The following ITGA10 variants were observed in gnomAD, a reference collection of about 807,000 sequenced individuals.
ITGA10 encodes the protein integrin subunit alpha 10.
A neutral mutation model predicts 145.2 loss-of-function variants in ITGA10; 105 were observed. The observed-to-expected ratio is 0.72, with a 90% CI of 0.62 to 0.85. The LOEUF is 0.85. ITGA10 is among the 40% of genes least tolerant of loss of function. ITGA10 has a pLI of 0.00. For missense variants in ITGA10, 1,317 were observed against 1,444.5 expected (o/e 0.91, Z 1.43); for synonymous variants, 506 against 557.8 (o/e 0.91, Z 1.31).
Position 145,902,517 on chromosome 1 carries a change from T to G in ITGA10, c.1012A>C (p.Thr338Pro). 6.2e-7 allele frequency: 1 copy of G among 1,613,864 alleles called. No homozygotes were observed. Among genetic ancestry groups the G allele is most frequent in the Non-Finnish European group, 8.5e-7 (1 of 1,179,930 alleles). ...ATGTCAGTCAGAGCAGCCTCATCTGTGACATTGAAGAAGAATCGCTCATCT... is the reference window on the plus strand; with the variant it reads ...ATGTCAGTCAGAGCAGCCTCATCTGGGACATTGAAGAAGAATCGCTCATCT... ...DPDERFFFNV[T>P]DEAALTDIVD... The change falls in exon 9 of 30, where the codon ACA becomes CCA. Residue 338 changes from threonine to proline, a missense_variant. By Grantham distance (38) the Thr-to-Pro change is conservative (BLOSUM62 -1). Coordinates refer to ENST00000369304, the MANE Select transcript of ITGA10 (RefSeq NM_003637.5).
chr1:145,896,244 G>T, intron 24 of ITGA10, 24 bp downstream of exon 24: 2 of 1,588,316 alleles, frequency 1.3e-6, no homozygotes, highest in Non-Finnish European at 1.7e-6. Flanking sequence ...TTCTCCTCAT[G>T]CCAAGACCCC....
intron 5 of ITGA10, among the ~76,000 whole-genome samples, chr1:145,905,213 T>C (rs1048728559): frequency 2.0e-5 from 3 of 151,894 alleles, no homozygotes; most frequent in Non-Finnish European, 4.4e-5. Flanking sequence ...GAATGAAACA[T>C]GGTAGCAACT....
chr1:145,892,990 T>G, intron 29 of ITGA10, 127 bp from the exon 30 acceptor site: 2 of 961,090 alleles, frequency 2.1e-6, no homozygotes, highest in Non-Finnish European at 3.3e-6. Flanking sequence ...TTTATTTTAT[T>G]TGGCTTAGAA....
At position 145,899,283 on chromosome 1, in the gene ITGA10, C is replaced by T. The variant is rs201590831; in HGVS notation, c.1981G>A (p.Val661Met). Residue 661 changes from valine to methionine, a missense_variant, in exon 16 of 30, where the codon GTG (valine) becomes ATG (methionine). Val to Met is a conservative substitution (Grantham distance 21). Transcript: ENST00000369304. Reference sequence around the variant, plus strand: ...CGCCGCCTACAGTCCCTCTGAACCACACTGATGGCCTGTGGGGTCACCTCC... The same window carrying T: ...CGCCGCCTACAGTCCCTCTGAACCATACTGATGGCCTGTGGGGTCACCTCC... ...SLEVTPQAIS[V>M]VQRDCRRRGQ... 6.2e-7 allele frequency: 1 copy of T among 1,614,228 alleles called. No individual in the cohort carries two copies. The highest frequency in any genetic ancestry group is 2.2e-5 in the East Asian group (1 of 44,882).
chr1:145,904,213 C>A lies in ITGA10; in HGVS notation c.610-13G>T, dbSNP rs188008364. 1 of 1,613,700 alleles carries A rather than the reference C, an allele frequency of 6.2e-7. No individual in the cohort carries two copies. The highest frequency in any genetic ancestry group is 8.5e-7 in the Non-Finnish European group (1 of 1,179,690). ...GTACCAGTCCCACCTGGGAATAAAG[C>A]GCATTCAAATGAAATGTATGTATGT... On this transcript the variant is annotated splice_polypyrimidine_tract_variant and intron_variant, in intron 6 of 29. Transcript: ENST00000369304.
chr1:145,904,356 C>T (rs1656811289), intron 6 of ITGA10, among the ~76,000 whole-genome samples, 156 bp from the exon 7 acceptor site: 1 of 152,024 alleles, frequency 6.6e-6, no homozygotes, highest in African/African-American at 2.4e-5. Flanking sequence ...CCCTTCCAAG[C>T]CCATCCATAT....
intron 25 of ITGA10, 35 bp from the exon 26 acceptor site, chr1:145,895,746 T>C (rs782542092): frequency 1.3e-6 from 2 of 1,599,944 alleles, no homozygotes; most frequent in Admixed American, 1.7e-5. Flanking sequence ...ACCCTCCTGA[T>C]GGGGTGGCGC....
At chr1:145,902,710 T>C in intron 8 of ITGA10, 91 bp from the exon 9 acceptor site, 1 of 1,539,546 alleles carries the variant, frequency 6.5e-7, no homozygotes, top group South Asian at 1.3e-5. Flanking sequence ...GGGAAGTAGT[T>C]AATGCCCTTG....
Position 145,907,410 on chromosome 1 carries a change from T to G in ITGA10, c.108A>C (p.Pro36=), listed in dbSNP as rs1419678521. The G allele has an allele frequency of 6.2e-7, 1 of 1,614,022 alleles. No homozygotes were observed. Among genetic ancestry groups the G allele is most frequent in the African/African-American group, 1.3e-5 (1 of 74,898 alleles). The change falls in exon 2 of 30, where the codon CCA becomes CCC. Residue 36 remains proline (P), a synonymous_variant. Transcript: ENST00000369304. ...DEHHPRLFPG[P]PEAEFGYSVL... ...CACTGTATCCAAATTCAGCTTCTGG[T>G]GGCCCTGGGAATAGGCGTGGGTGAT...
intron 6 of ITGA10, among the ~76,000 whole-genome samples, 168 bp downstream of exon 6, chr1:145,904,516 A>G (rs1656839900): frequency 6.6e-6 from 1 of 151,078 alleles, no homozygotes; most frequent in Non-Finnish European, 1.5e-5. Flanking sequence ...CTGTAGGCGC[A>G]TGCCACCATG....
chr1:145,895,609 G>A (rs1655273953), intron 26 of ITGA10, 22 bp downstream of exon 26: 2 of 1,611,128 alleles, frequency 1.2e-6, no homozygotes, highest in South Asian at 2.2e-5. Context: ...TCCCACTCTG[G>A]ACACCCCTTT....
At chr1:145,896,922 A>C (rs1260181507) in intron 22 of ITGA10, 64 bp from the exon 23 acceptor site, 4 of 1,537,326 alleles carry the variant, frequency 2.6e-6, no homozygotes, top group Non-Finnish European at 3.6e-6. Flanking sequence ...CTTCTCTGTT[A>C]ATAGAGGAAT....
chr1:145,904,554 T>G, intron 6 of ITGA10, 130 bp downstream of exon 6: 1 of 988,574 alleles, frequency 1.0e-6, no homozygotes, highest in Non-Finnish European at 1.5e-6. Flanking sequence ...TCTTTCATAT[T>G]TTTAGAGATG....
intron 17 of ITGA10, among the ~76,000 whole-genome samples, chr1:145,898,623 C>T (rs1407116294): frequency 2.0e-5 from 3 of 152,160 alleles, no homozygotes; most frequent in South Asian, 4.1e-4. Context: ...CTGCCTCGGC[C>T]TCCCAAAGTG....
intron 1 of ITGA10, among the ~76,000 whole-genome samples, chr1:145,908,300 G>T (rs12082225): frequency 0.072 from 10,940 of 152,028 alleles, 1,326 homozygotes; most frequent in African/African-American, 0.25. Context: ...CAATGTCTAG[G>T]TCCCTGGTTG....
In ITGA10 at chr1:145,907,026, C is replaced by A; in HGVS notation, c.274+15G>T. 1 of 1,503,782 alleles carries A rather than the reference C, an allele frequency of 6.6e-7. No individual in the cohort carries two copies. The highest frequency in any genetic ancestry group is 1.2e-5 in the South Asian group (1 of 80,598). 93.2% of individuals were successfully genotyped at this position (1,503,782 alleles called of 1,614,324 possible). ...AGTCAGGGGTTAGGAGGAGAAGGGT[C>A]AGGCATCTTCTCACCTAAGTGGCCC... is the stretch of plus-strand genomic sequence containing the variant. On this transcript the variant is annotated intron_variant, in intron 3 of 29. Coordinates refer to ENST00000369304, the MANE Select transcript of ITGA10 (RefSeq NM_003637.5).
chr1:145,903,651 C>CTT (rs782238620), intron 7 of ITGA10, among the ~76,000 whole-genome samples: 3 of 141,520 alleles, frequency 2.1e-5, no homozygotes, highest in South Asian at 2.3e-4. Flanking sequence ...TCTTCTTCTT[C>CTT]TTTTTTTTTT....
At chr1:145,903,026 C>G in intron 7 of ITGA10, 65 bp from the exon 8 acceptor site, 114 of 85,892 alleles carry the variant, frequency 1.3e-3, no homozygotes, top group East Asian at 4.9e-3. Context: ...CACACACATA[C>G]ACACACACAC....
Position 145,895,958 on chromosome 1 carries a change from C to T in ITGA10, c.3033+25G>A, listed in dbSNP as rs781923595. The T allele has an allele frequency of 1.4e-5, 22 of 1,559,888 alleles. No individual in the cohort carries two copies. The South Asian group carries it at 2.3e-4, about 17-fold the overall frequency. On this transcript the variant is annotated intron_variant, in intron 25 of 29. Coordinates refer to ENST00000369304, the MANE Select transcript of ITGA10 (RefSeq NM_003637.5). ...TCCACCAGCTCAAGGTGGCAGGATT[C>T]CATGCCCTCCTAGACCAGACTCACA...
Sources: allele counts gnomAD v4.1 joint callset (sites outside exome capture counted in the v4.1 genomes callset), GRCh38; gene constraint gnomAD v4.1.1; transcripts MANE v1.5; gene names NCBI Gene and HGNC (gene_info 2026-07-23, HGNC 2026-07-21).